The following CACNA1A variants were observed in gnomAD, a reference collection of about 807,000 sequenced individuals.
The protein encoded by CACNA1A is calcium voltage-gated channel subunit alpha1 A.
A neutral mutation model predicts 262.4 loss-of-function variants in CACNA1A; 57 were observed. The observed-to-expected ratio is 0.22, with a 90% confidence interval of 0.18 to 0.27. The LOEUF (loss-of-function observed/expected upper bound fraction) is 0.27. Among genes scored for constraint, CACNA1A ranks in the 10% least tolerant of loss-of-function variants. The pLI is 1.00. For synonymous variants in CACNA1A, 1,431 were observed against 1,419.3 expected, an observed-to-expected ratio of 1.01 and a Z score of -0.18; for missense variants, 2,526 against 3,562.8, an observed-to-expected ratio of 0.71 and a Z score of 7.41.
chr19:13,221,091 G>C (rs559919319), intron 38 of CACNA1A, among the ~76,000 whole-genome samples: 38 of 150,046 alleles, frequency 2.5e-4, no homozygotes, highest in African/African-American at 7.4e-4. Flanking sequence ...CATATGTCTC[G>C]AGGCTCAGTC....
At position 13,343,128 on chromosome 19, in the gene CACNA1A, C is replaced by CTT. The variant is rs112764118; in HGVS notation, c.979-7221_979-7220dup. 9.0e-3 allele frequency among the ~76,000 whole-genome samples: 1,283 copies of CTT among 142,454 alleles called. 14 individuals are homozygous for CTT. Among genetic ancestry groups the CTT allele is most frequent in the African/African-American group, 0.032 (1,210 of 38,272 alleles). 93.5% of individuals were successfully genotyped at this position (142,454 alleles called of 152,430 possible). A position where few individuals can be genotyped will look rare whatever the true frequency, so the allele number is the denominator to read the frequency against. Reference sequence around the variant, plus strand: ...TGGTCTTTCTTTCTTTTTTTTCTTTCTTTTTTTTTTTGAGATGGGGTCTTG... The same window carrying CTT: ...TGGTCTTTCTTTCTTTTTTTTCTTTCTTTTTTTTTTTTTGAGATGGGGTCTTG... On this transcript the variant is annotated intron_variant, in intron 6 of 46. Coordinates refer to ENST00000360228, the MANE Select transcript of CACNA1A (RefSeq NM_001127222.2).
intron 6 of CACNA1A, among the ~76,000 whole-genome samples, chr19:13,346,955 C>T (rs1490536912): frequency 4.6e-5 from 7 of 151,298 alleles, no homozygotes; most frequent in South Asian, 4.2e-4. Flanking sequence ...GCTAGGATTA[C>T]AGGCATGAGC....
intron 3 of CACNA1A, among the ~76,000 whole-genome samples, chr19:13,444,451 T>C (rs1320730270): frequency 6.6e-6 from 1 of 152,104 alleles, no homozygotes; most frequent in East Asian, 1.9e-4. Flanking sequence ...CATGTATTTA[T>C]TCAATTAATC....
chr19:13,346,831 C>T lies in CACNA1A; in HGVS notation c.979-10922G>A, dbSNP rs550900632. Among the ~76,000 whole-genome samples the T allele has an allele frequency of 1.1e-4, 17 of 149,366 alleles. No individual in the cohort carries two copies. In the East Asian group the frequency reaches 3.3e-3, roughly 29 times the overall value. ...AGTAGCTGGGACTACAGGCGCCTGC[C>T]ACCATGCCCAGCTAATTTTTTGTAT... On this transcript the variant is annotated intron_variant, in intron 6 of 46. Coordinates refer to ENST00000360228, the MANE Select transcript of CACNA1A (RefSeq NM_001127222.2).
At chr19:13,394,645 C>T (rs2059778585) in intron 3 of CACNA1A, among the ~76,000 whole-genome samples, 1 of 152,210 alleles carries the variant, frequency 6.6e-6, no homozygotes, top group Non-Finnish European at 1.5e-5. Flanking sequence ...CATAGTTCTA[C>T]TCTTCCAAAG....
intron 24 of CACNA1A, among the ~76,000 whole-genome samples, chr19:13,268,893 C>CTTTTTTTT (rs3050832): frequency 3.7e-5 from 4 of 107,948 alleles, no homozygotes; most frequent in African/African-American, 1.1e-4. Flanking sequence ...ATAGATTCTA[C>CTTTTTTTT]TTTTTTTTTT....
chr19:13,409,053 C>T (rs551920590), intron 3 of CACNA1A, among the ~76,000 whole-genome samples: 258 of 152,290 alleles, frequency 1.7e-3, no homozygotes, highest in African/African-American at 6.0e-3. Context: ...AGCACGTCTC[C>T]GTGGCAACAG....
At chr19:13,472,508 C>A (rs192306356) in intron 1 of CACNA1A, among the ~76,000 whole-genome samples, 45 of 152,272 alleles carry the variant, frequency 3.0e-4, no homozygotes, top group African/African-American at 1.1e-3. Flanking sequence ...TGTCTTCCCA[C>A]CTGTGAGTCC....
intron 1 of CACNA1A, among the ~76,000 whole-genome samples, chr19:13,490,688 GAAAGGAAAGAAA>G (rs1274198361): frequency 2.1e-5 from 2 of 93,120 alleles, no homozygotes; most frequent in African/African-American, 9.9e-5. Flanking sequence ...GAGAGAGAAA[GAAAGGAAAGAAA>G]GAAAGAAAGA....
chr19:13,420,664 C>A (rs1469526395), intron 3 of CACNA1A, among the ~76,000 whole-genome samples: 1 of 152,136 alleles, frequency 6.6e-6, no homozygotes, highest in African/African-American at 2.4e-5. Flanking sequence ...AGGCTTCTAG[C>A]CTCCAGAACT....
At chr19:13,258,627 T>TGTGA (rs2056637033) in intron 27 of CACNA1A, 1 of 152,202 alleles carries the variant, frequency 6.6e-6, no homozygotes, top group South Asian at 2.1e-4. Flanking sequence ...TTCCCACATG[T>TGTGA]GTGAGTACTG....
At chr19:13,433,452 C>T (rs553096965) in intron 3 of CACNA1A, among the ~76,000 whole-genome samples, 3 of 63,064 alleles carry the variant, frequency 4.8e-5, no homozygotes, top group Admixed American at 2.2e-4. Context: ...CAAAGCAAGA[C>T]GCTGTCTCAA....
At chr19:13,298,000 T>G (rs2057701432) in intron 19 of CACNA1A, among the ~76,000 whole-genome samples, 1 of 152,100 alleles carries the variant, frequency 6.6e-6, no homozygotes, top group Non-Finnish European at 1.5e-5. Flanking sequence ...TTTTTGTATT[T>G]TTAGTAGAGA....
At chr19:13,333,432 C>G (rs12460646) in intron 8 of CACNA1A, among the ~76,000 whole-genome samples, 16,030 of 151,974 alleles carry the variant, frequency 0.11, 898 homozygotes, top group South Asian at 0.18. Flanking sequence ...CCTCTAACTT[C>G]CTACTCTTTT....
intron 6 of CACNA1A, among the ~76,000 whole-genome samples, chr19:13,354,774 C>T (rs886535520): frequency 1.3e-5 from 2 of 151,970 alleles, no homozygotes; most frequent in African/African-American, 4.8e-5. Context: ...TTAGGTTGGA[C>T]TGGAGTAGGG....
chr19:13,356,986 C>CT (rs1230588700), intron 6 of CACNA1A, among the ~76,000 whole-genome samples: 1 of 152,160 alleles, frequency 6.6e-6, no homozygotes, highest in Non-Finnish European at 1.5e-5. Context: ...TCCCCACATC[C>CT]TTTTTTCTGT....
chr19:13,481,211 G>A (rs1441626844), intron 1 of CACNA1A, among the ~76,000 whole-genome samples: 5 of 152,206 alleles, frequency 3.3e-5, no homozygotes, highest in Admixed American at 1.3e-4. Flanking sequence ...ACGGGAAGGT[G>A]AAGTCATGGG....
At chr19:13,482,278 G>A (rs1228566242) in intron 1 of CACNA1A, among the ~76,000 whole-genome samples, 2 of 151,988 alleles carry the variant, frequency 1.3e-5, no homozygotes, top group African/African-American at 4.8e-5. Flanking sequence ...GAGGTCAGGA[G>A]ATCGAGACCA....
intron 6 of CACNA1A, among the ~76,000 whole-genome samples, chr19:13,336,594 G>GGAGAGAGAGGGA (rs1555768093): frequency 0.077 from 4,994 of 65,112 alleles, 303 homozygotes; most frequent in Non-Finnish European, 0.11. Context: ...AGAGAGAGAG[G>GGAGAGAGAGGGA]GAGAGAGAGA....
Sources: allele counts gnomAD v4.1 joint callset (sites outside exome capture counted in the v4.1 genomes callset), GRCh38; gene constraint gnomAD v4.1.1; transcripts MANE v1.5; gene names NCBI Gene and HGNC (gene_info 2026-07-23, HGNC 2026-07-21).